The following ANTXR1 variants were observed in gnomAD, a reference collection of about 807,000 sequenced individuals.
ANTXR1 encodes the protein anthrax toxin receptor 1.
In ANTXR1, 19 loss-of-function variants were observed where a neutral mutation model predicts 78.1. The observed-to-expected ratio is 0.24, with a 90% CI of 0.17 to 0.36. ANTXR1 has a LOEUF of 0.36. Ranked by LOEUF, ANTXR1 falls within the 10% of genes least tolerant of loss-of-function variation. The pLI is 1.00. For synonymous variants in ANTXR1, 273 were observed against 260.5 expected (o/e 1.05, Z -0.46); for missense variants, 518 against 718.6 (o/e 0.72, Z 3.19).
chr2:69,214,948 G>A (rs190879070), intron 17 of ANTXR1, among the ~76,000 whole-genome samples: 21 of 152,196 alleles, frequency 1.4e-4, no homozygotes, highest in African/African-American at 1.9e-4. Context: ...TGTTACTGCC[G>A]AAGTCCCTCT....
intron 3 of ANTXR1, among the ~76,000 whole-genome samples, chr2:69,056,894 G>T (rs1323308226): frequency 6.6e-6 from 1 of 152,056 alleles, no homozygotes; most frequent in Non-Finnish European, 1.5e-5. Flanking sequence ...GGCCAGGCTG[G>T]TCTCAAACTC....
At chr2:69,113,733 T>G (rs1339786521) in intron 10 of ANTXR1, among the ~76,000 whole-genome samples, 2 of 152,230 alleles carry the variant, frequency 1.3e-5, no homozygotes, top group Non-Finnish European at 2.9e-5. Flanking sequence ...TATTCCAAAT[T>G]TGTATACTGC....
At chr2:69,187,184 C>A (rs1355001559) in intron 16 of ANTXR1, among the ~76,000 whole-genome samples, 2 of 152,154 alleles carry the variant, frequency 1.3e-5, no homozygotes. Flanking sequence ...GGGCTCTTCT[C>A]CACCCACCAT....
intron 13 of ANTXR1, among the ~76,000 whole-genome samples, chr2:69,162,484 G>A (rs905807810): frequency 1.3e-5 from 2 of 152,142 alleles, no homozygotes; most frequent in African/African-American, 4.8e-5. Flanking sequence ...AAATGCTTAG[G>A]GATCTGCAAG....
At chr2:69,082,932 T>G (rs1179807888) in intron 8 of ANTXR1, among the ~76,000 whole-genome samples, 1 of 152,196 alleles carries the variant, frequency 6.6e-6, no homozygotes, top group Non-Finnish European at 1.5e-5. Flanking sequence ...CAAACACAAC[T>G]ATGTTTGCAA....
intron 1 of ANTXR1, among the ~76,000 whole-genome samples, chr2:69,036,347 T>G (rs1396672340): frequency 7.9e-5 from 12 of 152,224 alleles, no homozygotes; most frequent in Non-Finnish European, 4.4e-5. Context: ...CCTCAAGCAT[T>G]TATCCTTTGT....
chr2:69,102,008 C>T (rs1573879066), intron 9 of ANTXR1, among the ~76,000 whole-genome samples: 1 of 152,160 alleles, frequency 6.6e-6, no homozygotes, highest in Admixed American at 6.5e-5. Flanking sequence ...ATCAAACATA[C>T]ATTATGCCAA....
At chr2:69,144,150 C>T (rs560539723) in intron 12 of ANTXR1, among the ~76,000 whole-genome samples, 1 of 152,310 alleles carries the variant, frequency 6.6e-6, no homozygotes, top group Non-Finnish European at 1.5e-5. Context: ...CACTCAGAGC[C>T]CTGGAATGTG....
intron 17 of ANTXR1, among the ~76,000 whole-genome samples, chr2:69,210,786 A>G (rs560773127): frequency 1.9e-4 from 29 of 152,246 alleles, no homozygotes; most frequent in Admixed American, 2.0e-4. Context: ...AAATACAAAA[A>G]TTAGCCAGGT....
chr2:69,070,275 C>G (rs1168866359), intron 3 of ANTXR1, among the ~76,000 whole-genome samples: 2 of 152,222 alleles, frequency 1.3e-5, no homozygotes, highest in Non-Finnish European at 2.9e-5. Context: ...TCTTGGTTCT[C>G]ACCTCTTTCT....
intron 3 of ANTXR1, among the ~76,000 whole-genome samples, chr2:69,061,042 T>C (rs1670223349): frequency 6.6e-6 from 1 of 152,056 alleles, no homozygotes; most frequent in Admixed American, 6.6e-5. Flanking sequence ...AAGTCAAATA[T>C]AATCCTGTGG....
chr2:69,111,124 A>G (rs1421036896), intron 10 of ANTXR1, among the ~76,000 whole-genome samples: 4 of 152,214 alleles, frequency 2.6e-5, no homozygotes, highest in Non-Finnish European at 5.9e-5. Context: ...CTAACTATTG[A>G]GGTCTAGAAT....
At chr2:69,151,570 C>T (rs1172824634) in intron 12 of ANTXR1, among the ~76,000 whole-genome samples, 1 of 152,162 alleles carries the variant, frequency 6.6e-6, no homozygotes, top group Non-Finnish European at 1.5e-5. Context: ...TCCTCCCTCC[C>T]TCATTCCCAT....
intron 13 of ANTXR1, among the ~76,000 whole-genome samples, chr2:69,159,761 T>C (rs893810720): frequency 1.3e-5 from 2 of 152,182 alleles, no homozygotes; most frequent in East Asian, 1.9e-4. Context: ...AGGTATCTTA[T>C]GAACAGCTTT....
At chr2:69,145,510 C>T in intron 12 of ANTXR1, 1 of 1,454,554 alleles carries the variant, frequency 6.9e-7, no homozygotes, top group South Asian at 1.4e-5. Flanking sequence ...GTTACGCACA[C>T]TGAGTGCCCC....
At chr2:69,218,487 A>G (rs1204884313) in intron 17 of ANTXR1, among the ~76,000 whole-genome samples, 1 of 152,218 alleles carries the variant, frequency 6.6e-6, no homozygotes, top group Non-Finnish European at 1.5e-5. Context: ...AACTGCTTGG[A>G]AAATGCAGGT....
chr2:69,109,600 G>C (rs1671916954), intron 10 of ANTXR1, among the ~76,000 whole-genome samples: 1 of 152,200 alleles, frequency 6.6e-6, no homozygotes. Context: ...TGTAGGGAAA[G>C]AGTGGGTTAT....
chr2:69,209,588 CA>C (rs1444379603), intron 17 of ANTXR1, among the ~76,000 whole-genome samples: 1 of 152,190 alleles, frequency 6.6e-6, no homozygotes, highest in African/African-American at 2.4e-5. Flanking sequence ...AGTGGAAAGA[CA>C]ATAGATATCT....
chr2:69,159,361 C>T (rs958589803), intron 13 of ANTXR1, among the ~76,000 whole-genome samples: 1 of 152,022 alleles, frequency 6.6e-6, no homozygotes, highest in Non-Finnish European at 1.5e-5. Flanking sequence ...ATCACTTGAG[C>T]CCTAGAGTCT....
Sources: gnomAD v4.1 joint callset for allele counts (sites outside exome capture counted in the v4.1 genomes callset) on GRCh38, gnomAD v4.1.1 for gene constraint, MANE v1.5 for transcripts, NCBI Gene and HGNC (gene_info 2026-07-23, HGNC 2026-07-21) for gene names.